The following ARID1B variants were observed in gnomAD, a reference collection of about 807,000 sequenced individuals.
The protein encoded by ARID1B is AT-rich interaction domain 1B.
ARID1B carries 30 observed loss-of-function variants against 212.3 expected under a neutral mutation model. The ratio of observed to expected loss-of-function variants is 0.14; its 90% CI spans 0.11 to 0.19. The LOEUF (loss-of-function observed/expected upper bound fraction) is 0.19, where lower values mean the gene tolerates loss of function less well. ARID1B is among the 10% of genes least tolerant of loss of function. The pLI is 1.00. For missense variants in ARID1B, 2,891 were observed against 3,204.0 expected (o/e 0.90, Z 2.36); for synonymous variants, 1,402 against 1,301.7 (o/e 1.08, Z -1.66).
intron 9 of ARID1B, chr6:157,173,085 G>C (rs1190307954): frequency 2.0e-5 from 3 of 152,196 alleles, no homozygotes; most frequent in African/African-American, 7.2e-5. Context: ...TCACAGTGGG[G>C]TTCTGTAGAA....
intron 4 of ARID1B, among the ~76,000 whole-genome samples, chr6:157,058,685 G>C (rs1224582083): frequency 6.6e-6 from 1 of 152,228 alleles, no homozygotes; most frequent in Non-Finnish European, 1.5e-5. Flanking sequence ...GAGGCAGCTT[G>C]AGGCTCACAG....
chr6:156,807,026 T>C (rs1781210022), intron 1 of ARID1B, among the ~76,000 whole-genome samples: 1 of 152,198 alleles, frequency 6.6e-6, no homozygotes, highest in Non-Finnish European at 1.5e-5. Context: ...ATTCTTAGCT[T>C]ATGGGTCCTA....
At chr6:157,025,798 T>C (rs1312784647) in intron 4 of ARID1B, among the ~76,000 whole-genome samples, 1 of 152,266 alleles carries the variant, frequency 6.6e-6, no homozygotes, top group Non-Finnish European at 1.5e-5. Flanking sequence ...CATGTTAATA[T>C]ATTTTCATTG....
chr6:157,083,699 A>G (rs1208000344), intron 4 of ARID1B, among the ~76,000 whole-genome samples: 1 of 152,204 alleles, frequency 6.6e-6, no homozygotes, highest in Non-Finnish European at 1.5e-5. Flanking sequence ...TATAGATGGC[A>G]TTGACGGTGA....
chr6:157,094,305 TGA>T lies in ARID1B; in HGVS notation c.2491+9406_2491+9407del, dbSNP rs1319662304. 4.6e-5 allele frequency among the ~76,000 whole-genome samples: 7 copies of T among 152,164 alleles called. No individual in the cohort carries two copies. Among genetic ancestry groups the T allele is most frequent in the African/African-American group, 1.7e-4 (7 of 41,506 alleles). ...GGAGCAGAATGTGTGGGCAGTTAGG[TGA>T]GAGAGGAGCTAACGACTTTGTAGGT... On this transcript the variant is annotated intron_variant, in intron 5 of 19. Transcript: ENST00000636930. The surrounding 1 kb of genome is among the most constrained non-coding windows in gnomAD (Gnocchi z 4.3).
At chr6:157,170,966 G>A (rs1176286679) in intron 9 of ARID1B, among the ~76,000 whole-genome samples, 2 of 152,142 alleles carry the variant, frequency 1.3e-5, no homozygotes, top group Admixed American at 6.6e-5. Context: ...CAAATATTTT[G>A]CAGTCTGGTA....
Position 156,888,299 on chromosome 6 carries a change from T to C in ARID1B, c.1987-13077T>C, listed in dbSNP as rs896086927. 2.1e-4 allele frequency among the ~76,000 whole-genome samples: 32 copies of C among 152,210 alleles called. 1 individual carries two copies. Among genetic ancestry groups the C allele is most frequent in the Admixed American group, 1.8e-3 (27 of 15,274 alleles). Reference sequence around the variant, plus strand: ...ATTCCCATCACTTCTGCTTCCCGAGTGTTTTCTGTTTTACACTGTAGTAAA... The same window carrying C: ...ATTCCCATCACTTCTGCTTCCCGAGCGTTTTCTGTTTTACACTGTAGTAAA... On this transcript the variant is annotated intron_variant, in intron 2 of 19. Coordinates refer to ENST00000636930, the MANE Select transcript of ARID1B (RefSeq NM_001374828.1).
intron 4 of ARID1B, among the ~76,000 whole-genome samples, chr6:157,084,195 A>G (rs1047766836): frequency 2.7e-5 from 4 of 150,668 alleles, no homozygotes; most frequent in African/African-American, 7.3e-5. Flanking sequence ...TGTGACTGCT[A>G]TTACATTACA....
At chr6:157,164,737 C>G (rs1285166501) in intron 8 of ARID1B, 1 of 151,984 alleles carries the variant, frequency 6.6e-6, no homozygotes, top group South Asian at 2.1e-4. Context: ...TTTTAACATA[C>G]AAAAGAAAGA....
intron 4 of ARID1B, chr6:157,036,686 C>T (rs1456783234): frequency 2.7e-6 from 1 of 370,042 alleles, no homozygotes; most frequent in Non-Finnish European, 5.4e-6. Flanking sequence ...AAGATACTCA[C>T]AGATCTCTCT....
intron 2 of ARID1B, among the ~76,000 whole-genome samples, chr6:156,882,981 C>T (rs891293341): frequency 2.0e-5 from 3 of 152,114 alleles, no homozygotes; most frequent in Admixed American, 6.5e-5. Flanking sequence ...ACGGGGAACC[C>T]GAAAAGAGGG....
chr6:157,181,182 AGAAT>A lies in ARID1B; in HGVS notation c.3714+7_3714+10del. 6.2e-7 allele frequency: 1 copy of A among 1,613,688 alleles called. No individual in the cohort carries two copies. The highest frequency in any genetic ancestry group is 8.5e-7 in the Non-Finnish European group (1 of 1,179,592). On this transcript the variant is annotated splice_donor_5th_base_variant and intron_variant, in intron 12 of 19. Transcript: ENST00000636930. ...AGAGATCGGGGGTTTGGCCCAGGTA[AGAAT>A]GAGTGAGGGAGGGGGTGAAAAAGGA... is the stretch of plus-strand genomic sequence containing the variant.
At chr6:156,839,064 T>C (rs1229380551) in intron 2 of ARID1B, among the ~76,000 whole-genome samples, 1 of 152,206 alleles carries the variant, frequency 6.6e-6, no homozygotes, top group Non-Finnish European at 1.5e-5. Flanking sequence ...TTCCTACTTG[T>C]GGGTCCTGTG....
chr6:157,202,598 G>T (rs1206772591), intron 18 of ARID1B, among the ~76,000 whole-genome samples: 2 of 151,846 alleles, frequency 1.3e-5, no homozygotes, highest in African/African-American at 2.4e-5. Flanking sequence ...GAGGTAGGAG[G>T]ATCACTTGAG....
intron 4 of ARID1B, among the ~76,000 whole-genome samples, chr6:156,947,453 G>A (rs998091283): frequency 2.0e-5 from 3 of 151,820 alleles, no homozygotes; most frequent in African/African-American, 4.8e-5. Flanking sequence ...CAGATGTAGG[G>A]CGTGTGAGTA....
At chr6:157,000,796 C>A (rs951362390) in intron 4 of ARID1B, among the ~76,000 whole-genome samples, 13 of 147,768 alleles carry the variant, frequency 8.8e-5, no homozygotes, top group African/African-American at 3.2e-4. Context: ...CAGGTTCAAA[C>A]GATTCTCGTG....
At chr6:157,161,016 G>A (rs368717229) in intron 8 of ARID1B, among the ~76,000 whole-genome samples, 37 of 152,136 alleles carry the variant, frequency 2.4e-4, no homozygotes, top group African/African-American at 8.7e-4. Context: ...GTCTTGGCCC[G>A]CTGTTGTGCT....
chr6:156,981,005 A>G (rs1777569330), intron 4 of ARID1B, among the ~76,000 whole-genome samples: 1 of 152,238 alleles, frequency 6.6e-6, no homozygotes, highest in Admixed American at 6.5e-5. Flanking sequence ...ACATCTGTGT[A>G]ATCATGGCAG....
intron 2 of ARID1B, among the ~76,000 whole-genome samples, chr6:156,893,849 A>G (rs1197329933): frequency 6.6e-6 from 1 of 152,234 alleles, no homozygotes; most frequent in African/African-American, 2.4e-5. Flanking sequence ...TGGGAATGTG[A>G]AATGGTGCAG....
Sources: allele counts gnomAD v4.1 joint callset (sites outside exome capture counted in the v4.1 genomes callset), GRCh38; gene constraint gnomAD v4.1.1; non-coding constraint Gnocchi (gnomAD v3.1); transcripts MANE v1.5; gene names NCBI Gene and HGNC (gene_info 2026-07-23, HGNC 2026-07-21).